SGCZ: variants seen among roughly 807,000 people sequenced by gnomAD.
The protein encoded by SGCZ is sarcoglycan zeta, also known as zeta-sarcoglycan.
SGCZ carries 40 observed loss-of-function variants against 41.3 expected under a neutral mutation model. The observed-to-expected ratio is 0.97, with a 90% confidence interval of 0.75 to 1.26. The LOEUF is 1.26. Ranked by LOEUF, SGCZ falls within the 50% of genes most tolerant of loss-of-function variation. SGCZ has a pLI of 0.00. For synonymous variants in SGCZ, 206 were observed against 137.5 expected (o/e 1.50, Z -3.49); for missense variants, 552 against 369.8 (o/e 1.49, Z -4.04).
intron 2 of SGCZ, among the ~76,000 whole-genome samples, chr8:14,403,578 T>C (rs1458692781): frequency 6.6e-6 from 1 of 152,178 alleles, no homozygotes; most frequent in Non-Finnish European, 1.5e-5. Flanking sequence ...TCTGTTTATA[T>C]GCTGGATTAC....
intron 2 of SGCZ, among the ~76,000 whole-genome samples, chr8:14,336,176 C>T (rs560589589): frequency 9.9e-5 from 15 of 152,168 alleles, no homozygotes; most frequent in African/African-American, 3.6e-4. Context: ...ATTTGGTTTT[C>T]TGCTTCTGTG....
At chr8:14,576,290 A>C (rs1804710191) in intron 1 of SGCZ, among the ~76,000 whole-genome samples, 1 of 152,194 alleles carries the variant, frequency 6.6e-6, no homozygotes, top group Non-Finnish European at 1.5e-5. Flanking sequence ...ATGAGAAGTC[A>C]ATGTCATTTA....
intron 1 of SGCZ, among the ~76,000 whole-genome samples, chr8:14,696,786 G>T (rs1314997183): frequency 1.3e-5 from 2 of 151,572 alleles, no homozygotes; most frequent in Admixed American, 6.6e-5. Flanking sequence ...GCCAAAAGGG[G>T]GATGTATCCT....
intron 2 of SGCZ, among the ~76,000 whole-genome samples, chr8:14,417,389 C>A (rs1484664717): frequency 6.6e-6 from 1 of 151,616 alleles, no homozygotes; most frequent in Non-Finnish European, 1.5e-5. Context: ...ACTTATAATT[C>A]AATTTTTTTA....
At chr8:14,959,825 A>G (rs78705865) in intron 1 of SGCZ, among the ~76,000 whole-genome samples, 200 of 152,304 alleles carry the variant, frequency 1.3e-3, no homozygotes, top group African/African-American at 4.6e-3. Flanking sequence ...TACAGTCACT[A>G]TCTTGTTTTT....
intron 2 of SGCZ, among the ~76,000 whole-genome samples, chr8:14,372,590 T>A (rs565980558): frequency 1.3e-5 from 2 of 152,174 alleles, no homozygotes; most frequent in African/African-American, 4.8e-5. Context: ...AGTGCAATTT[T>A]AAGCAGATTT....
At chr8:14,140,990 C>T (rs1223501105) in intron 5 of SGCZ, among the ~76,000 whole-genome samples, 1 of 152,228 alleles carries the variant, frequency 6.6e-6, no homozygotes, top group South Asian at 2.1e-4. Context: ...ACCAATGGAA[C>T]AGGACAGAGC....
At chr8:14,204,449 T>C (rs1040870279) in intron 4 of SGCZ, among the ~76,000 whole-genome samples, 41 of 152,140 alleles carry the variant, frequency 2.7e-4, no homozygotes, top group African/African-American at 9.9e-4. Flanking sequence ...TTCCTAAGTC[T>C]TCCAAAACCA....
intron 2 of SGCZ, among the ~76,000 whole-genome samples, chr8:14,498,907 T>A (rs1026408914): frequency 1.3e-5 from 2 of 148,152 alleles, no homozygotes; most frequent in African/African-American, 2.5e-5. Flanking sequence ...GTCTTAGTCA[T>A]TTTTTTTTTT....
At chr8:14,990,285 ACC>A (rs1801963804) in intron 1 of SGCZ, among the ~76,000 whole-genome samples, 1 of 152,166 alleles carries the variant, frequency 6.6e-6, no homozygotes, top group South Asian at 2.1e-4. Flanking sequence ...CCCTGCATAT[ACC>A]ACATCCCTTT....
intron 2 of SGCZ, among the ~76,000 whole-genome samples, chr8:14,381,588 A>G (rs1804366054): frequency 6.6e-6 from 1 of 151,958 alleles, no homozygotes; most frequent in Non-Finnish European, 1.5e-5. Context: ...CAGCCTGGGC[A>G]ACATGATGAA....
intron 7 of SGCZ, among the ~76,000 whole-genome samples, chr8:14,100,108 T>A (rs1801967341): frequency 6.6e-6 from 1 of 152,110 alleles, no homozygotes; most frequent in Non-Finnish European, 1.5e-5. Flanking sequence ...TTTATATGAT[T>A]TTATATTTCT....
At chr8:14,139,714 G>T (rs1415543854) in intron 5 of SGCZ, among the ~76,000 whole-genome samples, 1 of 152,054 alleles carries the variant, frequency 6.6e-6, no homozygotes, top group African/African-American at 2.4e-5. Context: ...ACCAAAAAAA[G>T]TCCAGGACTT....
At chr8:15,143,118 T>G (rs1327176804) in intron 1 of SGCZ, among the ~76,000 whole-genome samples, 2 of 152,346 alleles carry the variant, frequency 1.3e-5, no homozygotes, top group East Asian at 1.9e-4. Context: ...CATATGTGGA[T>G]AATGTCAGAA....
chr8:14,893,669 A>G (rs578239808), intron 1 of SGCZ, among the ~76,000 whole-genome samples: 5 of 152,330 alleles, frequency 3.3e-5, no homozygotes, highest in African/African-American at 1.2e-4. Flanking sequence ...TGTGTCTCAC[A>G]CAACAGACAC....
chr8:14,294,870 C>T (rs544400430), intron 3 of SGCZ, among the ~76,000 whole-genome samples: 3 of 152,108 alleles, frequency 2.0e-5, no homozygotes, highest in African/African-American at 7.2e-5. Context: ...CCACTAAGTG[C>T]CCTTTTAAAA....
At chr8:15,141,138 C>T (rs535179436) in intron 1 of SGCZ, among the ~76,000 whole-genome samples, 3 of 152,338 alleles carry the variant, frequency 2.0e-5, no homozygotes, top group Admixed American at 2.0e-4. Flanking sequence ...CTCTTATACA[C>T]ATTTATGACA....
intron 1 of SGCZ, among the ~76,000 whole-genome samples, chr8:14,946,675 ATTT>A (rs5889556): frequency 3.0e-5 from 4 of 132,224 alleles, no homozygotes; most frequent in Admixed American, 7.8e-5. Context: ...AGAAATCTGT[ATTT>A]TTTTTTTTTT....
intron 2 of SGCZ, among the ~76,000 whole-genome samples, chr8:14,471,693 T>G (rs575508137): frequency 2.0e-5 from 3 of 152,130 alleles, no homozygotes; most frequent in Non-Finnish European, 4.4e-5. Context: ...TTACTAAATA[T>G]TATGAAGCTA....
Sources: allele counts gnomAD v4.1 joint callset (sites outside exome capture counted in the v4.1 genomes callset), GRCh38; gene constraint gnomAD v4.1.1; transcripts MANE v1.5; gene names NCBI Gene and HGNC (gene_info 2026-07-23, HGNC 2026-07-21).